The following HMGN3 variants were observed in gnomAD, a reference collection of about 807,000 sequenced individuals.
The protein encoded by HMGN3 is high mobility group nucleosomal binding domain 3, also known as high mobility group nucleosome-binding domain-containing protein 3.
HMGN3 carries 6 observed loss-of-function variants against 18.8 expected under a neutral mutation model. The ratio of observed to expected loss-of-function variants is 0.32; its 90% CI spans 0.18 to 0.63. HMGN3 has a LOEUF of 0.63. Ranked by LOEUF, HMGN3 falls within the 30% of genes least tolerant of loss-of-function variation. The pLI is 0.79. For missense variants in HMGN3, 107 were observed against 114.2 expected, an observed-to-expected ratio of 0.94 and a Z score of 0.29; for synonymous variants, 40 against 36.5, an observed-to-expected ratio of 1.10 and a Z score of -0.35.
At chr6:79,227,653 T>C (rs896744670) in intron 1 of HMGN3, among the ~76,000 whole-genome samples, 2 of 152,186 alleles carry the variant, frequency 1.3e-5, no homozygotes, top group East Asian at 3.8e-4. Flanking sequence ...AAGAGGAAAC[T>C]GAGTCTTAGA....
chr6:79,212,643 T>C (rs1407596305), intron 2 of HMGN3, among the ~76,000 whole-genome samples: 1 of 152,248 alleles, frequency 6.6e-6, no homozygotes, highest in African/African-American at 2.4e-5. Context: ...ATGACTATAA[T>C]GTATTATTTT....
chr6:79,217,550 T>C (rs9448664), intron 1 of HMGN3, among the ~76,000 whole-genome samples: 1,710 of 152,354 alleles, frequency 0.011, 20 homozygotes, highest in African/African-American at 0.039. Context: ...TTCTAAATTA[T>C]ACAGTATGAA....
chr6:79,215,666 T>C (rs898501859), intron 1 of HMGN3, among the ~76,000 whole-genome samples: 10 of 152,232 alleles, frequency 6.6e-5, no homozygotes, highest in African/African-American at 2.4e-4. Flanking sequence ...CTGCCTCCTC[T>C]TGTAACAGCT....
intron 2 of HMGN3, among the ~76,000 whole-genome samples, chr6:79,212,718 G>A (rs1010281779): frequency 6.6e-6 from 1 of 152,150 alleles, no homozygotes; most frequent in Non-Finnish European, 1.5e-5. Flanking sequence ...ATATGGCAGT[G>A]GAAGAGGATT....
rs1582461865 is a variant in HMGN3, at chr6:79,234,535, G to C, written c.15+11C>G. ...TGAAGGCTTTTGAAATCTTTTTTTG[G>C]TAAGACTTACCTTTCTCTTCGGCAT... On this transcript the variant is annotated intron_variant, in intron 1 of 5. Coordinates refer to ENST00000344726, the Ensembl canonical transcript of HMGN3. 1 of 1,610,422 alleles carries C rather than the reference G, an allele frequency of 6.2e-7. No individual in the cohort carries two copies. Among genetic ancestry groups the C allele is most frequent in the East Asian group, 2.2e-5 (1 of 44,838 alleles).
In HMGN3 at chr6:79,234,521, G is replaced by A. The variant is rs767181784; in HGVS notation, c.15+25C>T. 6 of 1,608,338 alleles carry A rather than the reference G, an allele frequency of 3.7e-6. No individual in the cohort carries two copies. The South Asian group carries it at 6.6e-5, about 18-fold the overall frequency. ...CTGTAAGCAGAATTTGAAGGCTTTT[G>A]AAATCTTTTTTTGGTAAGACTTACC... On this transcript the variant is annotated intron_variant, in intron 1 of 5. Coordinates refer to ENST00000344726, the Ensembl canonical transcript of HMGN3.
At chr6:79,216,597 T>C (rs1582422611) in intron 1 of HMGN3, among the ~76,000 whole-genome samples, 1 of 152,210 alleles carries the variant, frequency 6.6e-6, no homozygotes, top group Non-Finnish European at 1.5e-5. Context: ...TGTTTCCAAA[T>C]TAACCATCTC....
intron 2 of HMGN3, among the ~76,000 whole-genome samples, chr6:79,212,535 T>C (rs1245012013): frequency 6.6e-6 from 1 of 152,246 alleles, no homozygotes; most frequent in African/African-American, 2.4e-5. Flanking sequence ...TGCTTATATG[T>C]TTTCGTTGAG....
intron 2 of HMGN3, among the ~76,000 whole-genome samples, chr6:79,208,886 C>T (rs1259975306): frequency 6.6e-6 from 1 of 152,190 alleles, no homozygotes; most frequent in Non-Finnish European, 1.5e-5. Flanking sequence ...AAAACCTCTA[C>T]TTTTATGACA....
chr6:79,212,857 T>G (rs1776769596), intron 2 of HMGN3, among the ~76,000 whole-genome samples: 1 of 152,174 alleles, frequency 6.6e-6, no homozygotes, highest in Non-Finnish European at 1.5e-5. Flanking sequence ...ATCAATACAC[T>G]GACAGTTTTT....
intron 1 of HMGN3, among the ~76,000 whole-genome samples, chr6:79,227,621 T>C (rs1158679151): frequency 1.3e-5 from 2 of 152,210 alleles, no homozygotes; most frequent in African/African-American, 2.4e-5. Context: ...AAACAGAGCA[T>C]ATCATTATTC....
At chr6:79,208,671 T>G in intron 2 of HMGN3, 95 bp from the exon 3 acceptor site, 4 of 946,636 alleles carry the variant, frequency 4.2e-6, no homozygotes, top group Non-Finnish European at 7.0e-6. Context: ...CTTACTTTGT[T>G]GAATGACTAT....
chr6:79,201,350 C>T (rs1322964361), exon 6 of HMGN3: 2 of 234,296 alleles, frequency 8.5e-6, no homozygotes, highest in Non-Finnish European at 1.7e-5. Flanking sequence ...ACAAAAGCAC[C>T]ACTGATTATT....
chr6:79,233,082 T>C (rs1301223298), intron 1 of HMGN3, among the ~76,000 whole-genome samples: 1 of 152,204 alleles, frequency 6.6e-6, no homozygotes, highest in East Asian at 1.9e-4. Flanking sequence ...GAGTACGAAA[T>C]GGGTGAGAAT....
intron 1 of HMGN3, among the ~76,000 whole-genome samples, chr6:79,220,473 G>A (rs1033488429): frequency 3.9e-5 from 6 of 152,172 alleles, no homozygotes; most frequent in African/African-American, 1.4e-4. Context: ...TTGAGACGAA[G>A]TCTCACTCTG....
intron 2 of HMGN3, among the ~76,000 whole-genome samples, chr6:79,209,352 C>T (rs961036845): frequency 1.3e-5 from 2 of 152,164 alleles, no homozygotes; most frequent in African/African-American, 4.8e-5. Flanking sequence ...CAATAACACA[C>T]AAAATTGATA....
intron 1 of HMGN3, among the ~76,000 whole-genome samples, chr6:79,222,162 G>A (rs1423316037): frequency 6.6e-6 from 1 of 152,148 alleles, no homozygotes; most frequent in Non-Finnish European, 1.5e-5. Flanking sequence ...ATATAACAGT[G>A]CAAAGAGACC....
intron 1 of HMGN3, among the ~76,000 whole-genome samples, chr6:79,229,609 G>A (rs1777736613): frequency 6.6e-6 from 1 of 152,208 alleles, no homozygotes; most frequent in Non-Finnish European, 1.5e-5. Flanking sequence ...CGGGCGCCGT[G>A]GCTCACACCT....
At chr6:79,234,399 A>T in intron 1 of HMGN3, 147 bp downstream of exon 1, 3 of 710,924 alleles carry the variant, frequency 4.2e-6, no homozygotes, top group South Asian at 3.4e-5. Flanking sequence ...AACGTCTGCA[A>T]CAGGCATCTA....
Sources: allele counts gnomAD v4.1 joint callset (sites outside exome capture counted in the v4.1 genomes callset), GRCh38; gene constraint gnomAD v4.1.1; transcripts MANE v1.5; gene names NCBI Gene and HGNC (gene_info 2026-07-23, HGNC 2026-07-21).